Variants in RNGTT observed in about 807,000 individuals in gnomAD.
RNGTT encodes mRNA-capping enzyme.
RNGTT carries 33 observed loss-of-function variants against 79.3 expected under a neutral mutation model. The observed-to-expected ratio is 0.42, with a 90% CI of 0.32 to 0.56. The LOEUF (loss-of-function observed/expected upper bound fraction) is 0.56, where lower values mean the gene tolerates loss of function less well. Ranked by LOEUF, RNGTT falls within the 20% of genes least tolerant of loss-of-function variation. RNGTT has a pLI of 0.17. For synonymous variants in RNGTT, 222 were observed against 235.9 expected (o/e 0.94, Z 0.54); for missense variants, 497 against 739.1 (o/e 0.67, Z 3.80).
At chr6:88,723,433 G>A (rs1468720900) in intron 13 of RNGTT, among the ~76,000 whole-genome samples, 1 of 152,090 alleles carries the variant, frequency 6.6e-6, no homozygotes, top group Non-Finnish European at 1.5e-5. Flanking sequence ...CTGCCTCTTT[G>A]CAGACAGCCC....
chr6:88,719,438 G>C (rs1196266696), intron 13 of RNGTT, among the ~76,000 whole-genome samples: 1 of 152,124 alleles, frequency 6.6e-6, no homozygotes, highest in Non-Finnish European at 1.5e-5. Flanking sequence ...TATTCAACTG[G>C]TTACTGAGAA....
intron 14 of RNGTT, among the ~76,000 whole-genome samples, chr6:88,671,972 TAA>T (rs1055763189): frequency 1.3e-5 from 2 of 152,028 alleles, no homozygotes; most frequent in Non-Finnish European, 2.9e-5. Flanking sequence ...CAAGACAGAT[TAA>T]AGACTTAAAT....
intron 13 of RNGTT, among the ~76,000 whole-genome samples, chr6:88,684,215 C>T (rs549106240): frequency 1.3e-5 from 2 of 152,082 alleles, no homozygotes; most frequent in Non-Finnish European, 2.9e-5. Context: ...TGGCCAAAAT[C>T]CAGAACACTG....
intron 1 of RNGTT, among the ~76,000 whole-genome samples, chr6:88,956,330 C>T (rs1316161784): frequency 6.6e-6 from 1 of 151,630 alleles, no homozygotes; most frequent in Admixed American, 6.6e-5. Flanking sequence ...AGACTAATAA[C>T]AAGTAGCAAG....
At chr6:88,748,435 C>T (rs1777736954) in intron 13 of RNGTT, among the ~76,000 whole-genome samples, 1 of 151,934 alleles carries the variant, frequency 6.6e-6, no homozygotes, top group African/African-American at 2.4e-5. Context: ...TTGGCTAACT[C>T]CCTCACTTTC....
intron 6 of RNGTT, among the ~76,000 whole-genome samples, chr6:88,892,744 G>A (rs1474691286): frequency 1.3e-5 from 2 of 151,990 alleles, no homozygotes; most frequent in African/African-American, 4.8e-5. Context: ...AATTCTAGCT[G>A]TTAATGTAAT....
chr6:88,617,997 G>C (rs1182942512), intron 14 of RNGTT, among the ~76,000 whole-genome samples: 1 of 152,038 alleles, frequency 6.6e-6, no homozygotes, highest in Admixed American at 6.6e-5. Context: ...AGTCAACAAT[G>C]TGTAGTCTGC....
intron 13 of RNGTT, among the ~76,000 whole-genome samples, chr6:88,680,363 G>A (rs370397661): frequency 6.6e-6 from 1 of 152,088 alleles, no homozygotes; most frequent in Non-Finnish European, 1.5e-5. Context: ...CTAAGACCAC[G>A]AAAGCAGTCT....
chr6:88,902,555 A>G (rs1180541030), intron 6 of RNGTT, among the ~76,000 whole-genome samples: 4 of 151,022 alleles, frequency 2.6e-5, no homozygotes, highest in African/African-American at 9.7e-5. Flanking sequence ...TGAGCTATGA[A>G]CAAGCCACTG....
chr6:88,959,157 A>T lies in RNGTT; in HGVS notation c.64+4189T>A, dbSNP rs573369707. ...CTCACTTGTAAGTGGGAGCTAAGCT[A>T]TGAGAATGCAAAGACATAACAATGA... is the stretch of plus-strand genomic sequence containing the variant. On this transcript the variant is annotated intron_variant, in intron 1 of 15. Transcript: ENST00000369485. Among the ~76,000 whole-genome samples, 35 of 152,038 alleles carry T rather than the reference A, an allele frequency of 2.3e-4. No individual in the cohort carries two copies. The South Asian group carries it at 7.1e-3, about 31-fold the overall frequency.
intron 8 of RNGTT, among the ~76,000 whole-genome samples, chr6:88,887,399 C>T (rs866899742): frequency 6.6e-6 from 1 of 152,128 alleles, no homozygotes; most frequent in East Asian, 1.9e-4. Flanking sequence ...TATTCAATCA[C>T]AGAAAGTCCC....
At chr6:88,744,822 T>C (rs1236102110) in intron 13 of RNGTT, among the ~76,000 whole-genome samples, 4 of 152,144 alleles carry the variant, frequency 2.6e-5, no homozygotes, top group African/African-American at 9.7e-5. Context: ...ACAATTAAAA[T>C]GAGATAAATT....
At chr6:88,830,290 C>T (rs1335823906) in intron 11 of RNGTT, among the ~76,000 whole-genome samples, 3 of 152,108 alleles carry the variant, frequency 2.0e-5, no homozygotes, top group African/African-American at 7.2e-5. Context: ...TGAATGACTA[C>T]TGGCAGAAAT....
intron 6 of RNGTT, among the ~76,000 whole-genome samples, chr6:88,901,612 TTC>T (rs762690428): frequency 6.8e-6 from 1 of 146,476 alleles, no homozygotes; most frequent in Non-Finnish European, 1.5e-5. Flanking sequence ...GTTCAAGCCA[TTC>T]TCCTGCCTCA....
At chr6:88,904,604 C>A in intron 6 of RNGTT, 111 bp downstream of exon 6, 1 of 1,269,104 alleles carries the variant, frequency 7.9e-7, no homozygotes, top group Non-Finnish European at 1.1e-6. Context: ...TAGGATGAAT[C>A]ATCTGACAAA....
chr6:88,741,093 TG>T (rs772838762), intron 13 of RNGTT, among the ~76,000 whole-genome samples: 3 of 152,112 alleles, frequency 2.0e-5, no homozygotes, highest in Non-Finnish European at 4.4e-5. Context: ...ATCCCCTTAC[TG>T]GGTATATATC....
chr6:88,708,673 C>A (rs1295782067), intron 13 of RNGTT, among the ~76,000 whole-genome samples: 2 of 152,168 alleles, frequency 1.3e-5, no homozygotes, highest in Non-Finnish European at 2.9e-5. Flanking sequence ...CATGGCTCTG[C>A]TGGGTTTCAA....
chr6:88,739,581 A>G (rs1194688803), intron 13 of RNGTT, among the ~76,000 whole-genome samples: 1 of 151,762 alleles, frequency 6.6e-6, no homozygotes, highest in Admixed American at 6.6e-5. Flanking sequence ...ACATGTGACA[A>G]AGACAGGCTC....
chr6:88,678,082 G>T, intron 14 of RNGTT: 1 of 293,754 alleles, frequency 3.4e-6, no homozygotes, highest in Non-Finnish European at 5.5e-6. Context: ...AACTCATGGG[G>T]CTTAAGTGAT....
Sources: allele counts gnomAD v4.1 joint callset (sites outside exome capture counted in the v4.1 genomes callset), GRCh38; gene constraint gnomAD v4.1.1; transcripts MANE v1.5; gene names NCBI Gene and HGNC (gene_info 2026-07-23, HGNC 2026-07-21).